RGS12: variants seen among roughly 807,000 people sequenced by gnomAD.
RGS12 encodes regulator of G-protein signaling 12.
Under a neutral mutation model 120.1 loss-of-function variants are expected in RGS12, and 66 were observed. That is an observed-to-expected ratio of 0.55 (90% CI 0.45 to 0.67). The LOEUF is 0.67. Among genes scored for constraint, RGS12 ranks in the 30% least tolerant of loss-of-function variants. The pLI, the probability that RGS12 is intolerant of heterozygous loss-of-function variation, is 0.00. For synonymous variants in RGS12, 827 were observed against 804.7 expected, an observed-to-expected ratio of 1.03 and a Z score of -0.47; for missense variants, 1,859 against 1,957.7, an observed-to-expected ratio of 0.95 and a Z score of 0.95.
chr4:3,382,165 T>C (rs1406047715), intron 3 of RGS12, among the ~76,000 whole-genome samples: 1 of 152,244 alleles, frequency 6.6e-6, no homozygotes, highest in East Asian at 1.9e-4. Flanking sequence ...AAAGAAAATT[T>C]TACATATTTG....
At chr4:3,349,134 A>G (rs1714116825) in intron 3 of RGS12, among the ~76,000 whole-genome samples, 2 of 152,306 alleles carry the variant, frequency 1.3e-5, no homozygotes, top group South Asian at 2.1e-4. Context: ...TTTGCTTTGT[A>G]TTAGTGTATT....
Position 3,428,143 on chromosome 4 carries a change from T to C in RGS12, c.3385T>C (p.Ser1129Pro). 1 of 1,613,638 alleles carries C rather than the reference T, an allele frequency of 6.2e-7. No homozygotes were observed. The highest frequency in any genetic ancestry group is 8.5e-7 in the Non-Finnish European group (1 of 1,179,804). ...VPVKQNTAVN[S>P]SSRNHSATGE... ...AGTGAAACAGAACACAGCTGTAAAT[T>C]CCAGCTCCAGAAACCACTCGGCTAC... The change falls in exon 15 of 18, where the codon TCC becomes CCC. Residue 1129 changes from serine (S) to proline (P), a missense_variant. Coordinates refer to ENST00000336727, the MANE Select transcript of RGS12 (RefSeq NM_001394154.1).
intron 3 of RGS12, among the ~76,000 whole-genome samples, chr4:3,353,241 C>T (rs1283427807): frequency 2.0e-5 from 3 of 152,204 alleles, no homozygotes; most frequent in Non-Finnish European, 4.4e-5. Context: ...TACAAACGTA[C>T]ACTACTGCCT....
In RGS12 at chr4:3,390,675, A is replaced by G. The variant is rs753480583; in HGVS notation, c.2020+4238A>G. Among the ~76,000 whole-genome samples, 5 of 152,024 alleles carry G rather than the reference A, an allele frequency of 3.3e-5. No homozygotes were observed. Among genetic ancestry groups the G allele is most frequent in the Admixed American group, 6.5e-5 (1 of 15,276 alleles). On this transcript the variant is annotated intron_variant, in intron 4 of 17. Transcript: ENST00000336727. This position sits in a 1 kb window ranked among gnomAD's most constrained non-coding sequence, Gnocchi z 4.6. Reference sequence around the variant, plus strand: ...GGCCATGGCGGAAGATTCGGGCTCCACCTGCAGCTCCACAGCTGACAGGCC... The same window carrying G: ...GGCCATGGCGGAAGATTCGGGCTCCGCCTGCAGCTCCACAGCTGACAGGCC...
intron 3 of RGS12, among the ~76,000 whole-genome samples, chr4:3,369,058 T>G (rs939389567): frequency 3.9e-5 from 6 of 152,130 alleles, no homozygotes; most frequent in African/African-American, 1.4e-4. Flanking sequence ...GGGAGCCCCT[T>G]CCTGGGCTGG....
chr4:3,365,182 A>G lies in RGS12; in HGVS notation c.1999-21234A>G, dbSNP rs937929530. On this transcript the variant is annotated intron_variant, in intron 3 of 17. Transcript: ENST00000336727. This position sits in a 1 kb window ranked among gnomAD's most constrained non-coding sequence, Gnocchi z 4.0. ...AGAGAGGGGATGTTCAGGGCCAGGGATGGCAGACCGCAGTCCCCGGCCAGA... is the reference window on the plus strand; with the variant it reads ...AGAGAGGGGATGTTCAGGGCCAGGGGTGGCAGACCGCAGTCCCCGGCCAGA... Among the ~76,000 whole-genome samples, 2 of 152,126 alleles carry G rather than the reference A, an allele frequency of 1.3e-5. No individual in the cohort carries two copies. Among genetic ancestry groups the G allele is most frequent in the Admixed American group, 1.3e-4 (2 of 15,280 alleles).
At chr4:3,357,249 T>C (rs991159690) in intron 3 of RGS12, among the ~76,000 whole-genome samples, 5 of 152,174 alleles carry the variant, frequency 3.3e-5, no homozygotes, top group African/African-American at 1.2e-4. Flanking sequence ...TGTTGAGTTA[T>C]AGAAGTTCCT....
At chr4:3,382,190 T>A (rs187888983) in intron 3 of RGS12, among the ~76,000 whole-genome samples, 12 of 152,340 alleles carry the variant, frequency 7.9e-5, no homozygotes, top group African/African-American at 2.9e-4. Flanking sequence ...TATACCATGA[T>A]ATCATTTTGC....
chr4:3,367,052 A>G (rs1474774190), intron 3 of RGS12, among the ~76,000 whole-genome samples: 1 of 152,110 alleles, frequency 6.6e-6, no homozygotes, highest in Non-Finnish European at 1.5e-5. Flanking sequence ...AACTCCTCCA[A>G]TCTAGCCCTG....
chr4:3,342,882 G>T, intron 2 of RGS12, 55 bp from the exon 3 acceptor site: 1 of 1,202,094 alleles, frequency 8.3e-7, no homozygotes, highest in Non-Finnish European at 1.2e-6. Context: ...CATTGGACAA[G>T]ACTAAACATC....
chr4:3,415,802 G>A (rs1722329849), intron 6 of RGS12, among the ~76,000 whole-genome samples, 176 bp from the exon 7 acceptor site: 1 of 152,228 alleles, frequency 6.6e-6, no homozygotes, highest in Non-Finnish European at 1.5e-5. Context: ...TCGTAGAGGA[G>A]CCCGCGCAGT....
At chr4:3,304,053 T>G (rs574377365) in intron 1 of RGS12, among the ~76,000 whole-genome samples, 4 of 152,188 alleles carry the variant, frequency 2.6e-5, no homozygotes, top group African/African-American at 4.8e-5. Flanking sequence ...AGACTGACAA[T>G]GGAAGAGGAA....
intron 2 of RGS12, among the ~76,000 whole-genome samples, chr4:3,326,158 A>C (rs1725541537): frequency 6.6e-6 from 1 of 152,236 alleles, no homozygotes; most frequent in African/African-American, 2.4e-5. Context: ...ATAGTACTGG[A>C]AGTCCTAGCC....
At chr4:3,305,567 C>T (rs142865221) in intron 1 of RGS12, among the ~76,000 whole-genome samples, 8 of 152,340 alleles carry the variant, frequency 5.3e-5, no homozygotes, top group East Asian at 1.9e-4. Context: ...ACCACAGCCA[C>T]GGTGCCATCA....
At chr4:3,413,997 CT>C in intron 4 of RGS12, 74 bp from the exon 5 acceptor site, 1 of 1,440,830 alleles carries the variant, frequency 6.9e-7, no homozygotes, top group Non-Finnish European at 9.2e-7. Flanking sequence ...CCAGGGTCTC[CT>C]GTGGGCGGGC....
At chr4:3,320,521 A>G (rs1003800574) in intron 2 of RGS12, among the ~76,000 whole-genome samples, 1 of 152,208 alleles carries the variant, frequency 6.6e-6, no homozygotes, top group Non-Finnish European at 1.5e-5. Context: ...GCTCACAGTC[A>G]CAGGGCATGT....
intron 3 of RGS12, among the ~76,000 whole-genome samples, chr4:3,346,149 A>G (rs886382669): frequency 6.6e-6 from 1 of 152,180 alleles, no homozygotes; most frequent in Non-Finnish European, 1.5e-5. Flanking sequence ...TCTTTACGCA[A>G]TGGATAATTT....
At chr4:3,311,682 C>T (rs1384964385) in intron 1 of RGS12, among the ~76,000 whole-genome samples, 7 of 152,322 alleles carry the variant, frequency 4.6e-5, no homozygotes, top group Non-Finnish European at 8.8e-5. Context: ...CACAAAATTA[C>T]CCTCAGGCTG....
rs1012257907 is a variant in RGS12, at chr4:3,365,199, C to T, written c.1999-21217C>T. On this transcript the variant is annotated intron_variant, in intron 3 of 17. Transcript: ENST00000336727. The surrounding 1 kb of genome is among the most constrained non-coding windows in gnomAD (Gnocchi z 4.0). ...GGCCAGGGATGGCAGACCGCAGTCC[C>T]CGGCCAGATCCACTGCCTGTTCTTG... Among the ~76,000 whole-genome samples, 1 of 152,162 alleles carries T rather than the reference C, an allele frequency of 6.6e-6. No homozygotes were observed. The highest frequency in any genetic ancestry group is 2.1e-4 in the South Asian group (1 of 4,826).
Sources: allele counts gnomAD v4.1 joint callset (sites outside exome capture counted in the v4.1 genomes callset), GRCh38; gene constraint gnomAD v4.1.1; non-coding constraint Gnocchi (gnomAD v3.1); transcripts MANE v1.5; gene names NCBI Gene and HGNC (gene_info 2026-07-23, HGNC 2026-07-21).